The following DAB2IP variants were observed in gnomAD, a reference collection of about 807,000 sequenced individuals.
DAB2IP encodes disabled homolog 2-interacting protein.
Under a neutral mutation model 107.2 loss-of-function variants are expected in DAB2IP, and 28 were observed. The observed-to-expected ratio is 0.26, with a 90% CI of 0.19 to 0.36. The LOEUF is 0.36. Among genes scored for constraint, DAB2IP ranks in the 10% least tolerant of loss-of-function variants. The pLI is 1.00. For missense variants in DAB2IP, 1,400 were observed against 1,644.7 expected (o/e 0.85, Z 2.57); for synonymous variants, 755 against 706.4 (o/e 1.07, Z -1.09).
rs188549556 is a variant in DAB2IP at position 121,640,365 on chromosome 9, G to A, written c.41-38313G>A. ...TGTGCATGGGAGCCTGTGTCAGGGG[G>A]GCGACAATGAGAGAGAGAGCACCAG... On this transcript the variant is annotated intron_variant, in intron 1 of 16. Coordinates refer to the DAB2IP transcript ENST00000259371. Among the ~76,000 whole-genome samples, 1,160 of 152,140 alleles carry A rather than the reference G, an allele frequency of 7.6e-3. 8 individuals are homozygous for A. Among genetic ancestry groups the A allele is most frequent in the African/African-American group, 0.024 (1,005 of 41,480 alleles).
rs1173127583 is a variant in DAB2IP, at chr9:121,684,424, C to T, written c.228+5643C>T. 1.3e-5 allele frequency among the ~76,000 whole-genome samples: 2 copies of T among 152,186 alleles called. No individual in the cohort carries two copies. The highest frequency in any genetic ancestry group is 4.8e-5 in the African/African-American group (2 of 41,438). ...CCTCCCAGCACCTGGATATCAGCCA[C>T]CCCGTCTGAGCTGAGCCCTTCTCCC... is the stretch of plus-strand genomic sequence containing the variant. On this transcript the variant is annotated intron_variant, in intron 2 of 15. Coordinates refer to ENST00000408936, the Ensembl canonical transcript of DAB2IP. The surrounding 1 kb of genome is among the most constrained non-coding windows in gnomAD (Gnocchi z 4.0).
chr9:121,595,728 G>C (rs1589385690), intron 1 of DAB2IP, among the ~76,000 whole-genome samples: 1 of 152,126 alleles, frequency 6.6e-6, no homozygotes, highest in Non-Finnish European at 1.5e-5. Context: ...TTGCAGAATG[G>C]TGTATTTATC....
At chr9:121,753,210 G>C (rs1833248323) in intron 3 of DAB2IP, 1 of 152,270 alleles carries the variant, frequency 6.6e-6, no homozygotes, top group South Asian at 2.1e-4. Context: ...CATCCTGGCA[G>C]GGTTGTTGTA....
intron 1 of DAB2IP, among the ~76,000 whole-genome samples, chr9:121,577,625 ATGGCTGGGGG>A (rs1356641283): frequency 5.3e-5 from 8 of 152,100 alleles, no homozygotes; most frequent in African/African-American, 1.9e-4. Context: ...AGGGACTGAC[ATGGCTGGGGG>A]TGGCTGTCCC....
At chr9:121,627,702 AG>A (rs775782888) in intron 1 of DAB2IP, among the ~76,000 whole-genome samples, 73 of 152,130 alleles carry the variant, frequency 4.8e-4, no homozygotes, top group Admixed American at 7.9e-4. Flanking sequence ...AATGCGTGGG[AG>A]GCATTTGGAG....
intron 8 of DAB2IP, among the ~76,000 whole-genome samples, chr9:121,764,472 C>T (rs371453627): frequency 1.3e-5 from 2 of 152,368 alleles, no homozygotes; most frequent in South Asian, 2.1e-4. Context: ...GAGAAACTTG[C>T]GGTAAGGCCG....
At chr9:121,678,761 G>A (rs879061550) in exon 2 of DAB2IP, 18 of 1,594,754 alleles carry the variant, frequency 1.1e-5, no homozygotes, top group South Asian at 7.9e-5. Flanking sequence ...GCCCTCGGCC[G>A]CCACGCCGTT....
chr9:121,577,291 C>T (rs1428236250), intron 1 of DAB2IP, among the ~76,000 whole-genome samples: 1 of 152,244 alleles, frequency 6.6e-6, no homozygotes, highest in African/African-American at 2.4e-5. Context: ...GGGGAAGAGG[C>T]GGGTGGAGTG....
chr9:121,747,455 C>T (rs992766102), intron 3 of DAB2IP, among the ~76,000 whole-genome samples: 4 of 151,496 alleles, frequency 2.6e-5, no homozygotes, highest in African/African-American at 9.7e-5. Context: ...TCACACCATT[C>T]TCCTGCCTCA....
At chr9:121,688,952 A>G (rs1483836149) in intron 2 of DAB2IP, among the ~76,000 whole-genome samples, 1 of 152,140 alleles carries the variant, frequency 6.6e-6, no homozygotes, top group African/African-American at 2.4e-5. Flanking sequence ...AGGACAGGTC[A>G]AGACAAGTGA....
intron 3 of DAB2IP, among the ~76,000 whole-genome samples, chr9:121,719,389 G>T (rs116508465): frequency 6.6e-6 from 1 of 152,136 alleles, no homozygotes; most frequent in African/African-American, 2.4e-5. Flanking sequence ...AAAGAGGATG[G>T]GTTCATCACA....
rs537336281 is a variant in DAB2IP at position 121,636,058 on chromosome 9, C to T, written c.41-42620C>T. 1.8e-3 allele frequency among the ~76,000 whole-genome samples: 272 copies of T among 152,288 alleles called. 2 individuals carry two copies. Among genetic ancestry groups the T allele is most frequent in the African/African-American group, 6.3e-3 (261 of 41,564 alleles). ...AGCTGGGACTACAGGTACATGCCAC[C>T]ATGCCCAGCTAATTTTTTGTATTTT... On this transcript the variant is annotated intron_variant, in intron 1 of 16. Transcript: ENST00000259371.
chr9:121,784,883 C>T (rs1474652939), exon 16 of DAB2IP: 2 of 152,476 alleles, frequency 1.3e-5, no homozygotes, highest in Non-Finnish European at 2.9e-5. Context: ...GGGCTCCTGC[C>T]CAGGCCACAG....
chr9:121,614,583 C>T (rs1304036699), intron 1 of DAB2IP, among the ~76,000 whole-genome samples: 1 of 152,048 alleles, frequency 6.6e-6, no homozygotes, highest in Non-Finnish European at 1.5e-5. Flanking sequence ...TCATGATCCA[C>T]CTGCCTCAGC....
intron 2 of DAB2IP, among the ~76,000 whole-genome samples, chr9:121,681,888 C>T (rs374441064): frequency 6.6e-6 from 1 of 152,228 alleles, no homozygotes; most frequent in African/African-American, 2.4e-5. Flanking sequence ...TCTGGAATGA[C>T]AGACTTTGCT....
At chr9:121,688,354 TCTC>T (rs1828994013) in intron 2 of DAB2IP, among the ~76,000 whole-genome samples, 2 of 152,184 alleles carry the variant, frequency 1.3e-5, no homozygotes, top group African/African-American at 2.4e-5. Flanking sequence ...ATGAGTAACT[TCTC>T]CTGTGGAATT....
intron 2 of DAB2IP, among the ~76,000 whole-genome samples, chr9:121,681,235 C>A (rs1293702556): frequency 6.6e-6 from 1 of 152,190 alleles, no homozygotes; most frequent in African/African-American, 2.4e-5. Flanking sequence ...CATCCTCAGG[C>A]TAGGAGGCGG....
intron 1 of DAB2IP, among the ~76,000 whole-genome samples, chr9:121,569,689 T>A (rs1829888648): frequency 6.6e-6 from 1 of 152,140 alleles, no homozygotes. Flanking sequence ...GGCATGGTGG[T>A]GCATGCCTTT....
At chr9:121,602,548 CA>C (rs1830718909) in intron 1 of DAB2IP, among the ~76,000 whole-genome samples, 1 of 149,682 alleles carries the variant, frequency 6.7e-6, no homozygotes, top group Non-Finnish European at 1.5e-5. Context: ...CACATGCCAC[CA>C]TGCTCAGCCA....
Sources: gnomAD v4.1 joint callset for allele counts (sites outside exome capture counted in the v4.1 genomes callset) on GRCh38, gnomAD v4.1.1 for gene constraint, Gnocchi (gnomAD v3.1) non-coding constraint, MANE v1.5 for transcripts, NCBI Gene and HGNC (gene_info 2026-07-23, HGNC 2026-07-21) for gene names.